Variants in ENTHD1 observed in about 807,000 individuals in gnomAD.
ENTHD1 encodes ENTH domain containing 1.
Under a neutral mutation model 39.1 loss-of-function variants are expected in ENTHD1, and 23 were observed. The observed-to-expected ratio is 0.59, with a 90% confidence interval of 0.42 to 0.83. ENTHD1 has a LOEUF of 0.83. ENTHD1 is among the 40% of genes least tolerant of loss of function. The probability of loss-of-function intolerance (pLI) is 0.00; values close to 1 mark genes in which losing one functional copy is unlikely to be tolerated. For missense variants in ENTHD1, 624 were observed against 705.4 expected (o/e 0.88, Z 1.31); for synonymous variants, 230 against 258.2 (o/e 0.89, Z 1.05).
intron 3 of ENTHD1, among the ~76,000 whole-genome samples, chr22:39,858,623 A>AT (rs1219882594): frequency 6.6e-6 from 1 of 152,222 alleles, no homozygotes; most frequent in African/African-American, 2.4e-5. Context: ...ATAAGACTTG[A>AT]AAGTTGAAAT....
At chr22:39,780,368 C>A (rs1434944063) in intron 5 of ENTHD1, among the ~76,000 whole-genome samples, 3 of 128,608 alleles carry the variant, frequency 2.3e-5, no homozygotes, top group Non-Finnish European at 3.4e-5. Flanking sequence ...CAGAGCAAGA[C>A]TAGTCTCAAA....
rs190812719 is a variant in ENTHD1 at position 39,844,519 on chromosome 22, A to G, written c.593-8561T>C. ...AGCTGACTCCTGGGTTAAGATAGCA[A>G]AATGAAACTGCAACACAGAATTCCC... On this transcript the variant is annotated intron_variant, in intron 3 of 6. Transcript: ENST00000325157. Among the ~76,000 whole-genome samples the G allele has an allele frequency of 2.7e-3, 408 of 152,312 alleles. 4 individuals are homozygous for G. The highest frequency in any genetic ancestry group is 1.2e-3 in the Non-Finnish European group (83 of 68,028).
chr22:39,755,856 C>A (rs1361457954), intron 6 of ENTHD1, among the ~76,000 whole-genome samples: 3 of 152,152 alleles, frequency 2.0e-5, no homozygotes, highest in African/African-American at 7.2e-5. Context: ...GTGGTAGTTC[C>A]ATCATTATCT....
chr22:39,797,320 G>A (rs1364416764), intron 5 of ENTHD1, among the ~76,000 whole-genome samples: 1 of 152,162 alleles, frequency 6.6e-6, no homozygotes, highest in African/African-American at 2.4e-5. Flanking sequence ...CATTCAGTCA[G>A]TCTATATCAT....
intron 5 of ENTHD1, among the ~76,000 whole-genome samples, chr22:39,803,464 T>C (rs1250524630): frequency 6.6e-6 from 1 of 152,094 alleles, no homozygotes; most frequent in Non-Finnish European, 1.5e-5. Context: ...CTATAATTGT[T>C]TTGTTTATTA....
intron 5 of ENTHD1, among the ~76,000 whole-genome samples, chr22:39,814,084 A>G (rs1032602009): frequency 2.0e-5 from 3 of 152,262 alleles, no homozygotes; most frequent in Middle Eastern, 3.4e-3. Flanking sequence ...TAAAAATGTC[A>G]CTTCTCCGAA....
intron 5 of ENTHD1, among the ~76,000 whole-genome samples, chr22:39,802,126 T>G (rs1406473103): frequency 6.6e-6 from 1 of 152,182 alleles, no homozygotes; most frequent in Non-Finnish European, 1.5e-5. Flanking sequence ...CCTTTCTCAG[T>G]AAATAGAACT....
intron 3 of ENTHD1, among the ~76,000 whole-genome samples, chr22:39,842,007 G>T (rs1024591290): frequency 3.3e-5 from 5 of 151,296 alleles, no homozygotes; most frequent in African/African-American, 1.2e-4. Flanking sequence ...GCTTAGTTTG[G>T]CTGGATATGA....
rs542668087 is a variant in ENTHD1, at chr22:39,867,372, C to T, written c.350-5365G>A. Among the ~76,000 whole-genome samples, 1 of 152,060 alleles carries T rather than the reference C, an allele frequency of 6.6e-6. No homozygotes were observed. Among genetic ancestry groups the T allele is most frequent in the Non-Finnish European group, 1.5e-5 (1 of 68,006 alleles). ...AACAATCGTAAAAATCTTAATACTC[C>T]TGTCTCTATTCCTGACCTACTGCCC... On this transcript the variant is annotated intron_variant, in intron 2 of 6. Transcript: ENST00000325157. The surrounding 1 kb of genome is among the most constrained non-coding windows in gnomAD (Gnocchi z 4.5).
At chr22:39,882,256 C>A (rs2066344093) in intron 2 of ENTHD1, among the ~76,000 whole-genome samples, 1 of 152,118 alleles carries the variant, frequency 6.6e-6, no homozygotes, top group Admixed American at 6.5e-5. Flanking sequence ...ATAAAAAGCA[C>A]TGCTTTGATA....
intron 3 of ENTHD1, among the ~76,000 whole-genome samples, chr22:39,856,365 A>G (rs569809022): frequency 6.6e-6 from 1 of 152,132 alleles, no homozygotes; most frequent in African/African-American, 2.4e-5. Flanking sequence ...TCTTCCTTTA[A>G]AATACAGCTT....
chr22:39,810,117 C>T (rs1569149787), intron 5 of ENTHD1, among the ~76,000 whole-genome samples: 1 of 152,144 alleles, frequency 6.6e-6, no homozygotes, highest in Non-Finnish European at 1.5e-5. Context: ...GGTCTGAGCC[C>T]TTTGAGAATG....
chr22:39,871,394 T>C (rs1288410337), intron 2 of ENTHD1, among the ~76,000 whole-genome samples: 1 of 152,120 alleles, frequency 6.6e-6, no homozygotes, highest in Non-Finnish European at 1.5e-5. Flanking sequence ...CTCACAACCA[T>C]CCTCAGAGTT....
At chr22:39,843,392 T>C (rs908995160) in intron 3 of ENTHD1, among the ~76,000 whole-genome samples, 26 of 137,890 alleles carry the variant, frequency 1.9e-4, no homozygotes, top group African/African-American at 6.9e-4. Context: ...TTCTCACTCA[T>C]AGGTGGGAAT....
chr22:39,889,691 A>G (rs1367607121), intron 1 of ENTHD1, among the ~76,000 whole-genome samples: 1 of 152,214 alleles, frequency 6.6e-6, no homozygotes, highest in African/African-American at 2.4e-5. Context: ...AGGAAGACAT[A>G]AATTTTTAGA....
chr22:39,831,932 C>G (rs1157913667), intron 4 of ENTHD1, among the ~76,000 whole-genome samples: 1 of 152,044 alleles, frequency 6.6e-6, no homozygotes, highest in Non-Finnish European at 1.5e-5. Flanking sequence ...CGGAATAAAT[C>G]AAGAAATAAA....
chr22:39,886,886 A>C (rs1391542165), intron 2 of ENTHD1, among the ~76,000 whole-genome samples: 1 of 152,226 alleles, frequency 6.6e-6, no homozygotes, highest in Non-Finnish European at 1.5e-5. Context: ...ATTTATGACT[A>C]AATTCCAGTT....
In ENTHD1 at chr22:39,839,408, T is replaced by G. The variant is rs141097038; in HGVS notation, c.593-3450A>C. The stretch of plus-strand genomic sequence containing the variant: ...ATCAAAAACAACCACAAAGAGGAAG[T>G]AAAATTTGAACAAGGCTTTGAAGGA... On this transcript the variant is annotated intron_variant, in intron 3 of 6. Coordinates refer to ENST00000325157, the MANE Select transcript of ENTHD1 (RefSeq NM_152512.4). Among the ~76,000 whole-genome samples the G allele has an allele frequency of 9.4e-4, 143 of 152,104 alleles. 1 individual carries two copies. The highest frequency in any genetic ancestry group is 3.3e-3 in the African/African-American group (138 of 41,508).
intron 5 of ENTHD1, among the ~76,000 whole-genome samples, chr22:39,784,271 A>G (rs2065436059): frequency 6.6e-6 from 1 of 152,182 alleles, no homozygotes; most frequent in Admixed American, 6.5e-5. Flanking sequence ...ATGTGGAGAA[A>G]GGGTAACTGG....
Sources: allele counts gnomAD v4.1 joint callset (sites outside exome capture counted in the v4.1 genomes callset), GRCh38; gene constraint gnomAD v4.1.1; non-coding constraint Gnocchi (gnomAD v3.1); transcripts MANE v1.5; gene names NCBI Gene and HGNC (gene_info 2026-07-23, HGNC 2026-07-21).